Variants in TJP2 observed in about 807,000 individuals in gnomAD.
The protein encoded by TJP2 is tight junction protein 2.
Under a neutral mutation model 133.1 loss-of-function variants are expected in TJP2, and 91 were observed. The ratio of observed to expected loss-of-function variants is 0.68; its 90% CI spans 0.58 to 0.81. The LOEUF (loss-of-function observed/expected upper bound fraction) is 0.81. Ranked by LOEUF, TJP2 falls within the 40% of genes least tolerant of loss-of-function variation. The pLI is 0.00. For missense variants in TJP2, 1,541 were observed against 1,565.6 expected (o/e 0.98, Z 0.26); for synonymous variants, 592 against 583.4 (o/e 1.01, Z -0.21).
chr9:69,196,946 T>TACACACACACACACACACACACACACAC (rs746386691), intron 1 of TJP2, among the ~76,000 whole-genome samples: 1 of 134,170 alleles, frequency 7.5e-6, no homozygotes, highest in Admixed American at 7.4e-5. Flanking sequence ...TGTGTGTGTG[T>TACACACACACACACACACACACACACAC]ACACACACAC....
intron 1 of TJP2, among the ~76,000 whole-genome samples, chr9:69,128,727 C>T (rs1822360229): frequency 1.3e-5 from 2 of 152,056 alleles, no homozygotes; most frequent in African/African-American, 2.4e-5. Flanking sequence ...GGGGTTTCAT[C>T]GTGTTAGCCA....
At chr9:69,228,187 T>G in intron 9 of TJP2, 73 bp downstream of exon 9, 2 of 1,541,976 alleles carry the variant, frequency 1.3e-6, no homozygotes. Flanking sequence ...TAACAAAGAG[T>G]GAAATCATGT....
At chr9:69,159,631 C>T (rs1254896177) in intron 2 of TJP2, among the ~76,000 whole-genome samples, 1 of 152,038 alleles carries the variant, frequency 6.6e-6, no homozygotes, top group African/African-American at 2.4e-5. Context: ...GTAATCCCAG[C>T]ACTTTGGGAG....
At chr9:69,197,925 G>A (rs942361699) in intron 1 of TJP2, among the ~76,000 whole-genome samples, 2 of 152,166 alleles carry the variant, frequency 1.3e-5, no homozygotes, top group African/African-American at 4.8e-5. Flanking sequence ...GCTTTCATGG[G>A]GTTTGCCTGG....
chr9:69,193,676 CTTTT>C (rs11312165), intron 1 of TJP2, among the ~76,000 whole-genome samples: 1 of 138,684 alleles, frequency 7.2e-6, no homozygotes, highest in Non-Finnish European at 1.5e-5. Context: ...AACACCTGAA[CTTTT>C]TTTTTTTTTT....
At chr9:69,129,210 C>A (rs990165943) in intron 1 of TJP2, among the ~76,000 whole-genome samples, 1 of 152,196 alleles carries the variant, frequency 6.6e-6, no homozygotes, top group Non-Finnish European at 1.5e-5. Context: ...TAAACTCTTT[C>A]ACCAAAATAT....
intron 1 of TJP2, among the ~76,000 whole-genome samples, chr9:69,124,122 C>T (rs1219658380): frequency 4.0e-5 from 3 of 75,056 alleles, no homozygotes; most frequent in African/African-American, 1.2e-4. Flanking sequence ...CCTCGTGATC[C>T]GCCCACCTCG....
intron 2 of TJP2, among the ~76,000 whole-genome samples, chr9:69,159,920 TG>T (rs1823980691): frequency 4.0e-5 from 6 of 150,688 alleles, no homozygotes; most frequent in East Asian, 1.9e-4. Flanking sequence ...TGTGTGTGTG[TG>T]TTTCTTTTTT....
rs1305925886 is a variant in TJP2 at position 69,127,279 on chromosome 9, C to T, written c.-131+5554C>T. ...AGAAACGGGGTTTCACCATGTTAGCCAGGATGGTCTCGATCTCCTGACCTC... is the reference window on the plus strand; with the variant it reads ...AGAAACGGGGTTTCACCATGTTAGCTAGGATGGTCTCGATCTCCTGACCTC... On this transcript the variant is annotated intron_variant, in intron 1 of 5. Coordinates refer to the TJP2 transcript ENST00000423935. Among the ~76,000 whole-genome samples the T allele has an allele frequency of 5.5e-4, 41 of 75,178 alleles. 13 individuals carry two copies. The highest frequency in any genetic ancestry group is 1.7e-3 in the African/African-American group (41 of 24,562). The allele number at this position is 75,178 out of a possible 152,430, so 49.3% of individuals were successfully genotyped here.
At chr9:69,241,141 A>G (rs1830554966) in intron 17 of TJP2, among the ~76,000 whole-genome samples, 2 of 152,250 alleles carry the variant, frequency 1.3e-5, no homozygotes, top group South Asian at 4.1e-4. Flanking sequence ...TTTACCTAAT[A>G]GAATATATTT....
chr9:69,204,389 A>G (rs1421156123), intron 1 of TJP2, among the ~76,000 whole-genome samples: 1 of 152,194 alleles, frequency 6.6e-6, no homozygotes, highest in Non-Finnish European at 1.5e-5. Context: ...CTGAATTCCT[A>G]ACCCCAGCTC....
intron 9 of TJP2, 28 bp from the exon 10 acceptor site, chr9:69,229,156 A>G: frequency 6.2e-7 from 1 of 1,607,470 alleles, no homozygotes; most frequent in African/African-American, 1.3e-5. Flanking sequence ...GTCCAGATTG[A>G]TAACAGTAGA....
rs200848081 is a variant in TJP2 at position 69,163,028 on chromosome 9, T to A, written c.-10+11257T>A. Reference sequence around the variant, plus strand: ...TTTTAAAAAGTATCTTTATTTTATTTTATTTTTTTTTTTTTGAGACGGAGT... The same window carrying A: ...TTTTAAAAAGTATCTTTATTTTATTATATTTTTTTTTTTTTGAGACGGAGT... On this transcript the variant is annotated intron_variant, in intron 2 of 5. Transcript: ENST00000423935. Among the ~76,000 whole-genome samples, 28 of 42,110 alleles carry A rather than the reference T, an allele frequency of 6.6e-4. 8 individuals are homozygous for A. The highest frequency in any genetic ancestry group is 2.5e-3 in the African/African-American group (26 of 10,418). The allele number at this position is 42,110 out of a possible 152,430, so 27.6% of individuals were successfully genotyped here. A position where few individuals can be genotyped will look rare whatever the true frequency, so the allele number is the denominator to read the frequency against.
chr9:69,212,439 T>C, intron 1 of TJP2, 109 bp from the exon 2 acceptor site: 6 of 822,892 alleles, frequency 7.3e-6, no homozygotes, highest in Non-Finnish European at 1.1e-5. Context: ...TTTTTTGGTA[T>C]AGAAAGTGTG....
At chr9:69,192,858 T>C (rs532410946) in intron 1 of TJP2, among the ~76,000 whole-genome samples, 1 of 151,966 alleles carries the variant, frequency 6.6e-6, no homozygotes, top group Non-Finnish European at 1.5e-5. Flanking sequence ...TCAGTGACTC[T>C]GAGAGAGCCA....
intron 21 of TJP2, among the ~76,000 whole-genome samples, chr9:69,251,941 A>G (rs560028145): frequency 6.6e-6 from 1 of 152,282 alleles, no homozygotes; most frequent in Middle Eastern, 3.4e-3. Context: ...GTCGTAAAAT[A>G]TACATAACAT....
At chr9:69,237,244 C>A in intron 14 of TJP2, 108 bp downstream of exon 14, 1 of 1,317,570 alleles carries the variant, frequency 7.6e-7, no homozygotes, top group Non-Finnish European at 1.1e-6. Context: ...GTCAGTTATG[C>A]CAAAGGCAGT....
intron 14 of TJP2, among the ~76,000 whole-genome samples, chr9:69,237,349 G>A (rs1830262053): frequency 6.6e-6 from 1 of 152,172 alleles, no homozygotes; most frequent in African/African-American, 2.4e-5. Context: ...CTTAAAAAAT[G>A]TTTTAATACC....
rs886417040 is a variant in TJP2, at chr9:69,125,780, G to T, written c.-131+4055G>T. ...ACAATAGTTTCTTCCTTATAATTAG[G>T]TAGACAGTTCAAGTTTGGCAAATCT... On this transcript the variant is annotated intron_variant, in intron 1 of 5. Transcript: ENST00000423935. Among the ~76,000 whole-genome samples, 4 of 76,856 alleles carry T rather than the reference G, an allele frequency of 5.2e-5. 1 individual carries two copies. Among genetic ancestry groups the T allele is most frequent in the African/African-American group, 1.2e-4 (3 of 25,146 alleles). 50.4% of individuals were successfully genotyped at this position (76,856 alleles called of 152,430 possible). A position where few individuals can be genotyped will look rare whatever the true frequency, so the allele number is the denominator to read the frequency against.
Sources: gnomAD v4.1 joint callset for allele counts (sites outside exome capture counted in the v4.1 genomes callset) on GRCh38, gnomAD v4.1.1 for gene constraint, MANE v1.5 for transcripts, NCBI Gene and HGNC (gene_info 2026-07-23, HGNC 2026-07-21) for gene names.